The following ADAM19 variants were observed in gnomAD, a reference collection of about 807,000 sequenced individuals.
ADAM19 encodes the protein ADAM metallopeptidase domain 19, also known as disintegrin and metalloproteinase domain-containing protein 19.
ADAM19 carries 65 observed loss-of-function variants against 114.7 expected under a neutral mutation model. The observed-to-expected ratio is 0.57, with a 90% CI of 0.46 to 0.70. The LOEUF (loss-of-function observed/expected upper bound fraction) is 0.70. Ranked by LOEUF, ADAM19 falls within the 30% of genes least tolerant of loss-of-function variation. The probability of loss-of-function intolerance (pLI) is 0.00; values close to 1 mark genes in which losing one functional copy is unlikely to be tolerated. For synonymous variants in ADAM19, 466 were observed against 460.5 expected (o/e 1.01, Z -0.15); for missense variants, 1,063 against 1,204.7 (o/e 0.88, Z 1.74).
chr5:157,496,441 T>C (rs753046117), intron 14 of ADAM19, among the ~76,000 whole-genome samples: 14 of 152,186 alleles, frequency 9.2e-5, no homozygotes, highest in Non-Finnish European at 2.1e-4. Flanking sequence ...AGTGGTTATA[T>C]CTACCTGTTT....
chr5:157,493,195 A>G lies in ADAM19; in HGVS notation c.1704-18T>C. 1.9e-6 allele frequency: 3 copies of G among 1,608,996 alleles called. No individual in the cohort carries two copies. Among genetic ancestry groups the G allele is most frequent in the Non-Finnish European group, 2.6e-6 (3 of 1,175,730 alleles). The stretch of plus-strand genomic sequence containing the variant: ...TCGCATCTCTGGGCACAAGAGACAG[A>G]GAGGGAAGGAAGCGGAATCAGAGGC... On this transcript the variant is annotated intron_variant, in intron 15 of 22. Coordinates refer to ENST00000257527, the MANE Select transcript of ADAM19 (RefSeq NM_033274.5).
At chr5:157,572,382 G>A (rs1581364820) in intron 1 of ADAM19, 2 of 408,254 alleles carry the variant, frequency 4.9e-6, no homozygotes, top group East Asian at 7.3e-5. Context: ...TAACAAAATG[G>A]TAATTTCCCG....
At chr5:157,482,048 T>A in intron 21 of ADAM19, 105 bp from the exon 22 acceptor site, 1 of 909,742 alleles carries the variant, frequency 1.1e-6, no homozygotes, top group Non-Finnish European at 1.6e-6. Flanking sequence ...AGTTATATAC[T>A]GTATGGTCCC....
At chr5:157,554,940 T>A (rs540327563) in intron 3 of ADAM19, among the ~76,000 whole-genome samples, 1 of 152,036 alleles carries the variant, frequency 6.6e-6, no homozygotes, top group Non-Finnish European at 1.5e-5. Context: ...CACATTACAC[T>A]GACATGCAAA....
intron 20 of ADAM19, 72 bp from the exon 21 acceptor site, chr5:157,488,561 T>C (rs966421631): frequency 2.3e-4 from 286 of 1,263,036 alleles, no homozygotes; most frequent in Non-Finnish European, 2.9e-4. Flanking sequence ...CTCTTTGAGA[T>C]AAACCAGAGC....
chr5:157,575,506 A>G, intron 1 of ADAM19, 97 bp downstream of exon 1: 1 of 888,234 alleles, frequency 1.1e-6, no homozygotes, highest in South Asian at 2.3e-5. Flanking sequence ...GAGTTGCGGG[A>G]GGCGCAGGGG....
chr5:157,510,802 A>G (rs955467494), intron 8 of ADAM19, among the ~76,000 whole-genome samples: 1 of 152,232 alleles, frequency 6.6e-6, no homozygotes, highest in Non-Finnish European at 1.5e-5. Context: ...TGGATATTTT[A>G]TTATAAAATG....
intron 4 of ADAM19, among the ~76,000 whole-genome samples, chr5:157,535,975 A>C (rs1304111152): frequency 6.6e-6 from 1 of 152,220 alleles, no homozygotes; most frequent in Non-Finnish European, 1.5e-5. Context: ...GGTCTCAAGA[A>C]GAGAGGAAAA....
At chr5:157,493,479 C>T (rs528042423) in intron 15 of ADAM19, among the ~76,000 whole-genome samples, 49 of 152,236 alleles carry the variant, frequency 3.2e-4, no homozygotes, top group African/African-American at 9.4e-4. Flanking sequence ...CCCCTTATAC[C>T]GCTGTCCACC....
chr5:157,492,944 C>A (rs750849006), intron 16 of ADAM19, 29 bp downstream of exon 16: 4 of 1,612,414 alleles, frequency 2.5e-6, no homozygotes, highest in Non-Finnish European at 3.4e-6. Context: ...CTGCAGCTGG[C>A]TCCTAGGTGA....
At position 157,488,479 on chromosome 5, in the gene ADAM19, G is replaced by A. The variant is rs753240297; in HGVS notation, c.2336C>T (p.Thr779Ile). Residue 779 changes from threonine to isoleucine, a missense_variant, in exon 21 of 23, where the codon ACT becomes ATT. Thr to Ile is a moderately conservative substitution (Grantham distance 89). Coordinates refer to ENST00000257527, the MANE Select transcript of ADAM19 (RefSeq NM_033274.5). ...TPQGKRKVIN[T>I]PEILRKPSQP... ...GGAGGGCTTCCGCAGGATTTCCGGAGTGTTGATCACCTGTACGCACAAGTC... is the reference window on the plus strand; with the variant it reads ...GGAGGGCTTCCGCAGGATTTCCGGAATGTTGATCACCTGTACGCACAAGTC... 67 of 1,602,096 alleles carry A rather than the reference G, an allele frequency of 4.2e-5. No individual in the cohort carries two copies. The highest frequency in any genetic ancestry group is 2.4e-4 in the Admixed American group (14 of 59,026).
chr5:157,477,511 GCA>G lies in ADAM19; in HGVS notation c.*3436_*3437del. On this transcript the variant is annotated 3_prime_UTR_variant, in exon 23 of 23. Transcript: ENST00000257527. Reference sequence around the variant, plus strand: ...CCCTGGATCCCAGACACATACAAACGCACAGTGGACGGTGTGAGAGGACGCGT... The same window carrying G: ...CCCTGGATCCCAGACACATACAAACGCAGTGGACGGTGTGAGAGGACGCGT... 8.9e-7 allele frequency: 1 copy of G among 1,120,146 alleles called. No individual in the cohort carries two copies. Among genetic ancestry groups the G allele is most frequent in the Admixed American group, 4.0e-5 (1 of 25,280 alleles). The allele number at this position is 1,120,146 out of a possible 1,614,324, so 69.4% of individuals were successfully genotyped here.
chr5:157,543,011 T>A lies in ADAM19; in HGVS notation c.252-5020A>T, dbSNP rs541401831. Among the ~76,000 whole-genome samples the A allele has an allele frequency of 5.3e-5, 8 of 152,290 alleles. 1 individual carries two copies. In the South Asian group the frequency reaches 1.7e-3, roughly 32 times the overall value. ...AAGATACAACAGAAATGCAAATATT[T>A]CCATCTAGTAGAAAAGATAACCCCA... On this transcript the variant is annotated intron_variant, in intron 3 of 22. Coordinates refer to ENST00000257527, the MANE Select transcript of ADAM19 (RefSeq NM_033274.5).
intron 21 of ADAM19, among the ~76,000 whole-genome samples, chr5:157,483,304 C>G (rs574445113): frequency 6.6e-6 from 1 of 152,164 alleles, no homozygotes; most frequent in Non-Finnish European, 1.5e-5. Flanking sequence ...AAAAATGAAA[C>G]TGCAAGGTTG....
At chr5:157,526,453 A>G (rs1371562419) in intron 5 of ADAM19, among the ~76,000 whole-genome samples, 1 of 151,976 alleles carries the variant, frequency 6.6e-6, no homozygotes. Context: ...TCCTGCTGAT[A>G]GACAGTGAGC....
chr5:157,488,689 A>C (rs552736010), intron 20 of ADAM19, among the ~76,000 whole-genome samples, 200 bp from the exon 21 acceptor site: 2 of 152,310 alleles, frequency 1.3e-5, no homozygotes, highest in Admixed American at 6.5e-5. Flanking sequence ...CCAGCCAATA[A>C]AAGGGCTTTT....
intron 3 of ADAM19, among the ~76,000 whole-genome samples, chr5:157,538,710 A>T (rs532903975): frequency 6.6e-6 from 1 of 152,302 alleles, no homozygotes; most frequent in East Asian, 1.9e-4. Flanking sequence ...CTCACCACAG[A>T]CCCCTTGAAG....
intron 21 of ADAM19, among the ~76,000 whole-genome samples, chr5:157,484,722 C>G (rs1021516751): frequency 2.6e-5 from 4 of 152,234 alleles, no homozygotes; most frequent in Non-Finnish European, 5.9e-5. Flanking sequence ...TTCACCACCA[C>G]CTTCCCCAGC....
intron 4 of ADAM19, among the ~76,000 whole-genome samples, chr5:157,537,680 T>C (rs1294687602): frequency 2.0e-5 from 3 of 152,248 alleles, no homozygotes; most frequent in Admixed American, 2.0e-4. Flanking sequence ...TGTAATTAGA[T>C]GCAATTACCC....
Sources: gnomAD v4.1 joint callset for allele counts (sites outside exome capture counted in the v4.1 genomes callset) on GRCh38, gnomAD v4.1.1 for gene constraint, MANE v1.5 for transcripts, NCBI Gene and HGNC (gene_info 2026-07-23, HGNC 2026-07-21) for gene names.